The following MEFV variants were observed in gnomAD, a reference collection of about 807,000 sequenced individuals.
MEFV encodes pyrin.
Under a neutral mutation model 62.5 loss-of-function variants are expected in MEFV, and 60 were observed. The observed-to-expected ratio is 0.96, with a 90% confidence interval of 0.78 to 1.19. The LOEUF is 1.19. MEFV is among the 50% of genes most tolerant of loss of function. The pLI is 0.00. For missense variants in MEFV, 1,169 were observed against 1,004.5 expected, an observed-to-expected ratio of 1.16 and a Z score of -2.21; for synonymous variants, 500 against 415.2, an observed-to-expected ratio of 1.20 and a Z score of -2.48.
Position 3,247,072 on chromosome 16 carries a change from C to T in MEFV, c.1531G>A (p.Ala511Thr), listed in dbSNP as rs759836718. ...TTGGCCTCCAGTTCCCCAATCAGCGCATCGAGCAGGGCGATGTCCTGGGAT... is the reference window on the plus strand; with the variant it reads ...TTGGCCTCCAGTTCCCCAATCAGCGTATCGAGCAGGGCGATGTCCTGGGAT... ...RVSQDIALLD[A>T]LIGELEAKEC... Residue 511 changes from alanine to threonine, a missense_variant, in exon 5 of 10, where the codon GCG becomes ACG. Ala to Thr is a moderately conservative substitution (Grantham distance 58). Transcript: ENST00000219596. The T allele has an allele frequency of 4.3e-6, 7 of 1,614,150 alleles. No individual in the cohort carries two copies. The South Asian group carries it at 6.6e-5, about 15-fold the overall frequency.
Position 3,243,115 on chromosome 16 carries a change from A to T in MEFV, c.*26T>A, listed in dbSNP as rs1287458290. The T allele has an allele frequency of 6.2e-7, 1 of 1,610,392 alleles. No homozygotes were observed. Reference sequence around the variant, plus strand: ...GAATGCAAGATACAAGGCCAGAAGCAGGAAGAGAGATGCAGTGTTGGGCAT... The same window carrying T: ...GAATGCAAGATACAAGGCCAGAAGCTGGAAGAGAGATGCAGTGTTGGGCAT... On this transcript the variant is annotated 3_prime_UTR_variant, in exon 10 of 10. Transcript: ENST00000219596.
chr16:3,246,551 G>C lies in MEFV; in HGVS notation c.1588-4C>G. The C allele has an allele frequency of 6.2e-7, 1 of 1,614,056 alleles. No individual in the cohort carries two copies. Among genetic ancestry groups the C allele is most frequent in the Non-Finnish European group, 8.5e-7 (1 of 1,179,994 alleles). On this transcript the variant is annotated splice_polypyrimidine_tract_variant and splice_region_variant and intron_variant, in intron 5 of 9. Coordinates refer to ENST00000219596, the MANE Select transcript of MEFV (RefSeq NM_000243.3). Reference sequence around the variant, plus strand: ...TGTGCAAGATGTCTCCAATGTCCTAGGAGAAAAAAGAAGGAAACTGTCGGT... The same window carrying C: ...TGTGCAAGATGTCTCCAATGTCCTACGAGAAAAAAGAAGGAAACTGTCGGT...
intron 4 of MEFV, chr16:3,247,670 A>G (rs1052598838): frequency 1.4e-5 from 3 of 212,548 alleles, no homozygotes; most frequent in Non-Finnish European, 2.9e-5. Context: ...GCATTGGCTC[A>G]TGTCTGTAAT....
At chr16:3,251,902 AC>A in intron 2 of MEFV, 1 of 279,100 alleles carries the variant, frequency 3.6e-6, no homozygotes, top group Non-Finnish European at 7.7e-6. Flanking sequence ...CCTAGAAGAC[AC>A]CCAGGAATCC....
At position 3,246,544 on chromosome 16, in the gene MEFV, T is replaced by A; in HGVS notation, c.1591A>T (p.Ile531Phe). 1.2e-6 allele frequency: 2 copies of A among 1,614,110 alleles called. No individual in the cohort carries two copies. The highest frequency in any genetic ancestry group is 1.7e-6 in the Non-Finnish European group (2 of 1,180,012). The change falls in exon 6 of 10, where the codon ATT (isoleucine) becomes TTT (phenylalanine). Residue 531 changes from isoleucine to phenylalanine, a missense_variant. Coordinates refer to ENST00000219596, the MANE Select transcript of MEFV (RefSeq NM_000243.3). ...CTGTACCTGTGCAAGATGTCTCCAA[T>A]GTCCTAGGAGAAAAAAGAAGGAAAC... is the stretch of plus-strand genomic sequence containing the variant. Reference protein sequence around the residue: ...CQSEWELLQDIGDILHRAKTV... With the variant: ...CQSEWELLQDFGDILHRAKTV...
At chr16:3,245,102 C>T (rs1958919906) in intron 6 of MEFV, among the ~76,000 whole-genome samples, 1 of 151,990 alleles carries the variant, frequency 6.6e-6, no homozygotes, top group Non-Finnish European at 1.5e-5. Context: ...GCTTGGGCAA[C>T]ATGGCGAAAC....
chr16:3,249,291 G>A lies in MEFV; in HGVS notation c.1260+140C>T, dbSNP rs11466025. 1.1e-3 allele frequency: 871 copies of A among 820,440 alleles called. 4 individuals are homozygous for A. In the African/African-American group the frequency reaches 0.011, roughly 10 times the overall value. 50.8% of individuals were successfully genotyped at this position (820,440 alleles called of 1,614,324 possible). A position where few individuals can be genotyped will look rare whatever the true frequency, so the allele number is the denominator to read the frequency against. Reference sequence around the variant, plus strand: ...TGTAGCTCCCCTCTTTGCTGGACTGGTTTATATTGTGTTCTTGCCATTTCC... The same window carrying A: ...TGTAGCTCCCCTCTTTGCTGGACTGATTTATATTGTGTTCTTGCCATTTCC... On this transcript the variant is annotated intron_variant, in intron 3 of 9. Coordinates refer to ENST00000219596, the MANE Select transcript of MEFV (RefSeq NM_000243.3).
At position 3,242,124 on chromosome 16, in the gene MEFV, A is replaced by T. The variant is rs1596349104; in HGVS notation, c.*1017T>A. ...ATGCCTGTAATCCCTGCACTTTGGG[A>T]GGCTGAGGTGGGTGCATCACCTGAG... On this transcript the variant is annotated 3_prime_UTR_variant, in exon 10 of 10. Transcript: ENST00000219596. The T allele has an allele frequency of 5.8e-6, 1 of 171,780 alleles. No homozygotes were observed. 10.6% of individuals were successfully genotyped at this position (171,780 alleles called of 1,614,324 possible).
chr16:3,253,975 A>T (rs1959074816), intron 2 of MEFV, among the ~76,000 whole-genome samples, 183 bp downstream of exon 2: 1 of 151,632 alleles, frequency 6.6e-6, no homozygotes, highest in Non-Finnish European at 1.5e-5. Context: ...TTATTTTTTT[A>T]ATTTCGTTTA....
At position 3,243,390 on chromosome 16, in the gene MEFV, G is replaced by T. The variant is rs1958888612; in HGVS notation, c.2097C>A (p.Tyr699Ter). The stretch of plus-strand genomic sequence containing the variant: ...GGGTCGGGGGAACGCTGGACGCCTG[G>T]TACTCATTTTCCTTCATCATTATCA... ...WVVIMMKENE[Y>*]QASSVPPTRL... is the part of the protein sequence containing the mutation. Residue 699 changes from tyrosine to a stop codon, truncating the protein, a stop_gained, in exon 10 of 10, where the codon TAC becomes TAA. Coordinates refer to ENST00000219596, the MANE Select transcript of MEFV (RefSeq NM_000243.3). LOFTEE classifies it low-confidence loss of function (END_TRUNC). 1 of 1,613,996 alleles carries T rather than the reference G, an allele frequency of 6.2e-7. No homozygotes were observed.
intron 1 of MEFV, among the ~76,000 whole-genome samples, chr16:3,255,314 C>T (rs1415077295): frequency 6.6e-6 from 1 of 152,032 alleles, no homozygotes; most frequent in Non-Finnish European, 1.5e-5. Flanking sequence ...AAGACTCCAT[C>T]TCAAAAACAA....
chr16:3,247,339 A>C, intron 4 of MEFV, 93 bp from the exon 5 acceptor site: 1 of 1,087,934 alleles, frequency 9.2e-7, no homozygotes. Flanking sequence ...CTGGAGGTGG[A>C]TAAGAGGTGG....
chr16:3,254,128 C>G, intron 2 of MEFV, 30 bp downstream of exon 2: 1 of 1,610,840 alleles, frequency 6.2e-7, no homozygotes. Flanking sequence ...TCTCTGCAGC[C>G]GATATAAAGT....
intron 6 of MEFV, among the ~76,000 whole-genome samples, chr16:3,245,582 C>G (rs1194424940): frequency 6.6e-6 from 1 of 151,712 alleles, no homozygotes; most frequent in African/African-American, 2.4e-5. Context: ...TGTAGTGAGC[C>G]AAGATCGCGC....
In MEFV at chr16:3,252,066, AT is replaced by A. The variant is rs1369024160; in HGVS notation, c.910+2091del. The A allele has an allele frequency of 9.9e-5, 31 of 312,774 alleles. No homozygotes were observed. The East Asian group carries it at 1.1e-3, about 11-fold the overall frequency. The allele number at this position is 312,774 out of a possible 1,614,324, so 19.4% of individuals were successfully genotyped here. A position where few individuals can be genotyped will look rare whatever the true frequency, so the allele number is the denominator to read the frequency against. On this transcript the variant is annotated intron_variant, in intron 2 of 9. Transcript: ENST00000219596. ...ACCCCATATCTAAAAAAAAAAAAAA[AT>A]TAAAAAAAATACAGTAGGGATAAAA... is the stretch of plus-strand genomic sequence containing the variant.
Position 3,256,298 on chromosome 16 carries a change from T to C in MEFV, c.277+13A>G, listed in dbSNP as rs879253897. Reference sequence around the variant, plus strand: ...CTCAGCACTGGATGAGGAGGAGGCCTGGGCCCGCTTACCCTGAATGGCTGC... The same window carrying C: ...CTCAGCACTGGATGAGGAGGAGGCCCGGGCCCGCTTACCCTGAATGGCTGC... On this transcript the variant is annotated intron_variant, in intron 1 of 9. Transcript: ENST00000219596. 6.2e-7 allele frequency: 1 copy of C among 1,612,790 alleles called. No homozygotes were observed. Among genetic ancestry groups the C allele is most frequent in the Non-Finnish European group, 8.5e-7 (1 of 1,179,714 alleles).
chr16:3,251,105 C>G (rs1959026454), intron 2 of MEFV, among the ~76,000 whole-genome samples: 2 of 151,838 alleles, frequency 1.3e-5, no homozygotes, highest in African/African-American at 4.8e-5. Flanking sequence ...TCACAGTGTC[C>G]CAGAAATTCA....
chr16:3,248,417 C>G (rs995113926), intron 4 of MEFV: 3 of 184,360 alleles, frequency 1.6e-5, no homozygotes, highest in African/African-American at 4.8e-5. Flanking sequence ...TGGTGAAACC[C>G]CATCTCTACT....
intron 5 of MEFV, among the ~76,000 whole-genome samples, 161 bp from the exon 6 acceptor site, chr16:3,246,708 C>T (rs965712623): frequency 6.6e-6 from 1 of 152,202 alleles, no homozygotes; most frequent in Non-Finnish European, 1.5e-5. Context: ...TTCTTCAAGT[C>T]TAATTCTAAC....
Sources: allele counts gnomAD v4.1 joint callset (sites outside exome capture counted in the v4.1 genomes callset), GRCh38; gene constraint gnomAD v4.1.1; transcripts MANE v1.5; gene names NCBI Gene and HGNC (gene_info 2026-07-23, HGNC 2026-07-21).